Variants in ESRP1 observed in about 807,000 individuals in gnomAD.
The protein encoded by ESRP1 is epithelial splicing regulatory protein 1, also known as RNA-binding motif protein 35A.
In ESRP1, 33 loss-of-function variants were observed where a neutral mutation model predicts 81.7. That is an observed-to-expected ratio of 0.40 (90% CI 0.31 to 0.54). ESRP1 has a LOEUF of 0.54. ESRP1 is among the 20% of genes least tolerant of loss of function. The pLI is 0.41. For synonymous variants in ESRP1, 320 were observed against 303.3 expected (o/e 1.06, Z -0.57); for missense variants, 672 against 833.1 (o/e 0.81, Z 2.38).
intron 4 of ESRP1, among the ~76,000 whole-genome samples, chr8:94,657,394 T>C (rs756446928): frequency 2.0e-5 from 3 of 152,188 alleles, no homozygotes; most frequent in South Asian, 2.1e-4. Context: ...AAACTTTTTT[T>C]CTCATTCCTC....
chr8:94,642,317 T>A (rs1422169256), intron 2 of ESRP1, among the ~76,000 whole-genome samples: 2 of 152,210 alleles, frequency 1.3e-5, no homozygotes, highest in East Asian at 3.8e-4. Flanking sequence ...AGTTTTCGAG[T>A]TGCTTCCTGA....
rs576359980 is a variant in ESRP1, at chr8:94,641,295, C to G, written c.-24C>G. On this transcript the variant is annotated 5_prime_UTR_variant, in exon 1 of 16. Coordinates refer to ENST00000433389, the MANE Select transcript of ESRP1 (RefSeq NM_017697.4). ...CCACCTTACCGCCTCCCGACCCCCC[C>G]TCTCCCCCTCCCCACCTATCGTCAT... The G allele has an allele frequency of 6.2e-7, 1 of 1,600,106 alleles. No homozygotes were observed. Among genetic ancestry groups the G allele is most frequent in the Non-Finnish European group, 8.5e-7 (1 of 1,169,770 alleles).
At chr8:94,703,746 G>T (rs1809942641) in intron 15 of ESRP1, among the ~76,000 whole-genome samples, 1 of 152,120 alleles carries the variant, frequency 6.6e-6, no homozygotes, top group African/African-American at 2.4e-5. Context: ...GCCTTCACTG[G>T]CCTGGCTTAC....
chr8:94,657,849 C>T (rs760080831), intron 4 of ESRP1, among the ~76,000 whole-genome samples: 6 of 152,164 alleles, frequency 3.9e-5, no homozygotes, highest in South Asian at 2.1e-4. Context: ...TCATAGCTTT[C>T]GTGTAATCCC....
At chr8:94,695,905 A>C (rs144649938) in intron 14 of ESRP1, among the ~76,000 whole-genome samples, 3,092 of 152,200 alleles carry the variant, frequency 0.02, 94 homozygotes, top group African/African-American at 0.069. Flanking sequence ...TGTACTAAAA[A>C]TACAAAAAGT....
In ESRP1 at chr8:94,665,641, G is replaced by A. The variant is rs147370774; in HGVS notation, c.931+445G>A. 7.4e-3 allele frequency among the ~76,000 whole-genome samples: 1,119 copies of A among 152,100 alleles called. 17 individuals are homozygous for A. Among genetic ancestry groups the A allele is most frequent in the African/African-American group, 0.025 (1,050 of 41,498 alleles). On this transcript the variant is annotated intron_variant, in intron 9 of 15. Coordinates refer to ENST00000433389, the MANE Select transcript of ESRP1 (RefSeq NM_017697.4). Reference sequence around the variant, plus strand: ...GTAGTGGCTGGGTTTACAGGTGTGTGCCACCATGCCTGGCTAACTTTTTGT... The same window carrying A: ...GTAGTGGCTGGGTTTACAGGTGTGTACCACCATGCCTGGCTAACTTTTTGT...
chr8:94,695,603 C>T (rs1809574310), intron 14 of ESRP1, among the ~76,000 whole-genome samples: 1 of 150,766 alleles, frequency 6.6e-6, no homozygotes, highest in African/African-American at 2.5e-5. Context: ...GACCTCGTGA[C>T]CCGCCTGCGT....
chr8:94,656,207 CA>C (rs896830829), intron 4 of ESRP1: 19,551 of 100,696 alleles, frequency 0.19, 1,622 homozygotes, highest in Non-Finnish European at 0.26. Context: ...ACCCTAGTCT[CA>C]AAAAAAAAAA....
chr8:94,693,949 G>A (rs913011783), intron 14 of ESRP1, among the ~76,000 whole-genome samples: 9 of 152,196 alleles, frequency 5.9e-5, no homozygotes, highest in East Asian at 3.8e-4. Context: ...CTGAAGGAAG[G>A]TGGAGGTCAG....
intron 9 of ESRP1, among the ~76,000 whole-genome samples, chr8:94,666,392 A>C (rs1819017299): frequency 6.6e-6 from 1 of 152,130 alleles, no homozygotes; most frequent in African/African-American, 2.4e-5. Context: ...AGCATTTAGA[A>C]CTCATTTCCA....
intron 9 of ESRP1, among the ~76,000 whole-genome samples, chr8:94,667,379 C>T (rs1489491854): frequency 6.6e-6 from 1 of 150,958 alleles, no homozygotes; most frequent in Non-Finnish European, 1.5e-5. Context: ...AAAGTAGGTA[C>T]CCCATATATT....
chr8:94,688,523 C>G, intron 13 of ESRP1: 1 of 215,532 alleles, frequency 4.6e-6, no homozygotes. Flanking sequence ...AGTTTGGTTT[C>G]ATTATACTGA....
intron 14 of ESRP1, 88 bp from the exon 15 acceptor site, chr8:94,696,764 T>TCAGC: frequency 5.0e-6 from 5 of 1,006,194 alleles, no homozygotes; most frequent in Non-Finnish European, 7.3e-6. Context: ...GTCCTATACT[T>TCAGC]TTGTTGGTAG....
chr8:94,659,753 A>C (rs1818624260), intron 4 of ESRP1, among the ~76,000 whole-genome samples: 1 of 152,230 alleles, frequency 6.6e-6, no homozygotes, highest in Admixed American at 6.5e-5. Flanking sequence ...GTGTTACCTG[A>C]GCAAAGATGA....
At chr8:94,688,846 C>T (rs1318633667) in intron 13 of ESRP1, among the ~76,000 whole-genome samples, 1 of 151,992 alleles carries the variant, frequency 6.6e-6, no homozygotes, top group African/African-American at 2.4e-5. Flanking sequence ...TTTTTATTTC[C>T]ATATACATTT....
chr8:94,655,167 G>A (rs1244649668), intron 4 of ESRP1, among the ~76,000 whole-genome samples: 1 of 151,338 alleles, frequency 6.6e-6, no homozygotes, highest in East Asian at 1.9e-4. Flanking sequence ...TCAGCTCATT[G>A]TGACCTCTGC....
chr8:94,693,966 C>T (rs1190101382), intron 14 of ESRP1, among the ~76,000 whole-genome samples: 2 of 152,256 alleles, frequency 1.3e-5, no homozygotes, highest in East Asian at 3.9e-4. Context: ...TCAGTAGATA[C>T]TCACTCCTCC....
At chr8:94,662,595 GTTT>G (rs11404889) in intron 6 of ESRP1, 40 bp downstream of exon 6, 47 of 1,204,186 alleles carry the variant, frequency 3.9e-5, no homozygotes, top group Non-Finnish European at 1.6e-5. Context: ...TTTTTAACTT[GTTT>G]TTTTTTTTTG....
At position 94,660,988 on chromosome 8, in the gene ESRP1, A is replaced by G. The variant is rs1244301203; in HGVS notation, c.491-1284A>G. Among the ~76,000 whole-genome samples the G allele has an allele frequency of 3.3e-5, 5 of 152,258 alleles. No individual in the cohort carries two copies. The East Asian group carries it at 9.6e-4, about 29-fold the overall frequency. On this transcript the variant is annotated intron_variant, in intron 4 of 15. Transcript: ENST00000433389. ...TAGGTAAGATCCTCCACCAACAAAA[A>G]GATTGACTCACTGAGGGCTCAGATG...
Sources: gnomAD v4.1 joint callset for allele counts (sites outside exome capture counted in the v4.1 genomes callset) on GRCh38, gnomAD v4.1.1 for gene constraint, MANE v1.5 for transcripts, NCBI Gene and HGNC (gene_info 2026-07-23, HGNC 2026-07-21) for gene names.